The following ARHGAP22 variants were observed in gnomAD, a reference collection of about 807,000 sequenced individuals.
The protein encoded by ARHGAP22 is rho GTPase-activating protein 22.
In ARHGAP22, 48 loss-of-function variants were observed where a neutral mutation model predicts 59.1. The observed-to-expected ratio is 0.81, with a 90% CI of 0.64 to 1.03. The LOEUF is 1.03. Ranked by LOEUF, ARHGAP22 falls within the 50% of genes least tolerant of loss-of-function variation. The probability of loss-of-function intolerance (pLI) is 0.00; values close to 1 mark genes in which losing one functional copy is unlikely to be tolerated. For missense variants in ARHGAP22, 1,015 were observed against 958.7 expected, an observed-to-expected ratio of 1.06 and a Z score of -0.78; for synonymous variants, 445 against 416.4, an observed-to-expected ratio of 1.07 and a Z score of -0.84.
At chr10:48,498,838 C>A (rs772826172) in intron 3 of ARHGAP22, among the ~76,000 whole-genome samples, 1 of 152,094 alleles carries the variant, frequency 6.6e-6, no homozygotes, top group Non-Finnish European at 1.5e-5. Flanking sequence ...GAGGTGCATA[C>A]CTATCACTCA....
chr10:48,489,967 TCGTGATC>T (rs2050219210), intron 3 of ARHGAP22, among the ~76,000 whole-genome samples: 1 of 152,130 alleles, frequency 6.6e-6, no homozygotes, highest in Non-Finnish European at 1.5e-5. Context: ...TCTCCTGACC[TCGTGATC>T]CACCCGCCTA....
intron 3 of ARHGAP22, among the ~76,000 whole-genome samples, chr10:48,508,810 G>T (rs1564790919): frequency 6.6e-6 from 1 of 152,238 alleles, no homozygotes; most frequent in Admixed American, 6.5e-5. Context: ...AGGTCCAGAA[G>T]CTGGGAAAGC....
intron 1 of ARHGAP22, among the ~76,000 whole-genome samples, chr10:48,648,382 T>G (rs906999750): frequency 6.6e-5 from 10 of 152,126 alleles, no homozygotes; most frequent in African/African-American, 2.2e-4. Flanking sequence ...GGGGCAGTGA[T>G]TAGTGTGGGA....
chr10:48,655,031 A>ATTCT (rs1385320986), upstream of ARHGAP22, among the ~76,000 whole-genome samples: 454 of 35,820 alleles, frequency 0.013, 59 homozygotes, highest in African/African-American at 0.024. Flanking sequence ...TCTTTCTTTC[A>ATTCT]TTCTTTCTTT....
At chr10:48,495,057 T>C (rs899064014) in intron 3 of ARHGAP22, among the ~76,000 whole-genome samples, 1 of 152,220 alleles carries the variant, frequency 6.6e-6, no homozygotes, top group Non-Finnish European at 1.5e-5. Context: ...CTTATCCTGA[T>C]TGGAAAGCAG....
intron 1 of ARHGAP22, chr10:48,623,946 C>T (rs932534946): frequency 2.0e-5 from 3 of 152,236 alleles, no homozygotes; most frequent in African/African-American, 7.2e-5. Context: ...TCCTTAAAAT[C>T]GGGCTGGGTG....
upstream of ARHGAP22, among the ~76,000 whole-genome samples, chr10:48,654,644 T>C (rs2062685199): frequency 1.3e-5 from 2 of 151,076 alleles, no homozygotes; most frequent in African/African-American, 4.9e-5. Flanking sequence ...GCCCTAAGGA[T>C]AAGATACATG....
In ARHGAP22 at chr10:48,604,877, G is replaced by A. The variant is rs1589132861; in HGVS notation, c.-81C>T. 1.9e-6 allele frequency: 3 copies of A among 1,607,936 alleles called. No individual in the cohort carries two copies. Among genetic ancestry groups the A allele is most frequent in the South Asian group, 1.1e-5 (1 of 90,644 alleles). ...CTTTTGCTCGTCCTCGCGCCTAGTC[G>A]CCCCTCATGTCCTGCTCGTTCGGGG... is the stretch of plus-strand genomic sequence containing the variant. On this transcript the variant is annotated 5_prime_UTR_variant, in exon 1 of 10. Transcript: ENST00000249601.
intron 4 of ARHGAP22, among the ~76,000 whole-genome samples, chr10:48,460,127 A>T (rs2046997031): frequency 6.6e-6 from 1 of 152,144 alleles, no homozygotes. Flanking sequence ...AGCAGGAGGG[A>T]GCAGTGAGAT....
At chr10:48,511,303 G>A (rs1188746148) in intron 3 of ARHGAP22, among the ~76,000 whole-genome samples, 3 of 152,244 alleles carry the variant, frequency 2.0e-5, no homozygotes, top group Non-Finnish European at 2.9e-5. Context: ...TGAGACTGCG[G>A]CCCAGAGAGC....
intron 3 of ARHGAP22, among the ~76,000 whole-genome samples, chr10:48,515,392 C>G (rs1250950980): frequency 6.6e-6 from 1 of 152,092 alleles, no homozygotes. Flanking sequence ...GAAGATAAAA[C>G]AATTATAAAC....
intron 3 of ARHGAP22, among the ~76,000 whole-genome samples, chr10:48,494,479 G>C (rs2050723617): frequency 6.6e-6 from 1 of 152,204 alleles, no homozygotes; most frequent in South Asian, 2.1e-4. Context: ...AGTAAGTACA[G>C]AGCAAGGGGC....
intron 1 of ARHGAP22, among the ~76,000 whole-genome samples, chr10:48,643,945 T>C (rs115651168): frequency 0.05 from 7,540 of 151,934 alleles, 547 homozygotes; most frequent in African/African-American, 0.17. Context: ...GTGGGGAGTT[T>C]GAGACCAGCC....
At chr10:48,508,110 C>A (rs558779013) in intron 3 of ARHGAP22, among the ~76,000 whole-genome samples, 2 of 152,108 alleles carry the variant, frequency 1.3e-5, no homozygotes, top group African/African-American at 4.8e-5. Flanking sequence ...CTTACTGAGG[C>A]GGGTTTTGTT....
chr10:48,625,048 T>TG (rs1414179685), intron 1 of ARHGAP22: 1 of 152,176 alleles, frequency 6.6e-6, no homozygotes, highest in Admixed American at 6.5e-5. Flanking sequence ...ACTTAGATTT[T>TG]GGGGCCCAAG....
At chr10:48,557,110 TTG>T (rs560519239) in intron 2 of ARHGAP22, among the ~76,000 whole-genome samples, 417 of 152,334 alleles carry the variant, frequency 2.7e-3, no homozygotes, top group African/African-American at 7.6e-3. Context: ...CTGGTAATCT[TTG>T]TAACTGAATT....
chr10:48,593,816 C>G (rs1489149479), intron 1 of ARHGAP22, among the ~76,000 whole-genome samples: 4 of 152,106 alleles, frequency 2.6e-5, no homozygotes, highest in Non-Finnish European at 4.4e-5. Flanking sequence ...GAAAGAAAAA[C>G]AAAAATCCTA....
At position 48,473,859 on chromosome 10, in the gene ARHGAP22, C is replaced by T. The variant is rs944959490; in HGVS notation, c.451+5777G>A. Reference sequence around the variant, plus strand: ...GGGCTTGCAGACTCTCTGCAGACAACCAGGCAAGGGATACACATGTTCAAG... The same window carrying T: ...GGGCTTGCAGACTCTCTGCAGACAATCAGGCAAGGGATACACATGTTCAAG... On this transcript the variant is annotated intron_variant, in intron 4 of 9. Coordinates refer to ENST00000249601, the MANE Select transcript of ARHGAP22 (RefSeq NM_021226.4). 9.2e-5 allele frequency among the ~76,000 whole-genome samples: 14 copies of T among 152,214 alleles called. 1 individual carries two copies. Among genetic ancestry groups the T allele is most frequent in the Non-Finnish European group, 1.9e-4 (13 of 68,040 alleles).
intron 3 of ARHGAP22, among the ~76,000 whole-genome samples, chr10:48,496,664 C>T (rs954198238): frequency 1.7e-4 from 26 of 152,104 alleles, no homozygotes; most frequent in African/African-American, 6.3e-4. Context: ...GCTGAACAAT[C>T]GCCTGGTGCC....
Sources: gnomAD v4.1 joint callset for allele counts (sites outside exome capture counted in the v4.1 genomes callset) on GRCh38, gnomAD v4.1.1 for gene constraint, MANE v1.5 for transcripts, NCBI Gene and HGNC (gene_info 2026-07-23, HGNC 2026-07-21) for gene names.